PNLIPRP3: variants seen among roughly 807,000 people sequenced by gnomAD.
The protein encoded by PNLIPRP3 is pancreatic lipase related protein 3.
Under a neutral mutation model 52.8 loss-of-function variants are expected in PNLIPRP3, and 58 were observed. That is an observed-to-expected ratio of 1.10 (90% CI 0.89 to 1.37). The LOEUF (loss-of-function observed/expected upper bound fraction) is 1.37, where lower values mean the gene tolerates loss of function less well. PNLIPRP3 is among the 40% of genes most tolerant of loss of function. PNLIPRP3 has a pLI of 0.00. For missense variants in PNLIPRP3, 593 were observed against 561.6 expected (o/e 1.06, Z -0.57); for synonymous variants, 192 against 185.0 (o/e 1.04, Z -0.31).
chr10:116,476,211 G>T (rs1340957225), intron 10 of PNLIPRP3, among the ~76,000 whole-genome samples: 1 of 152,162 alleles, frequency 6.6e-6, no homozygotes, highest in Non-Finnish European at 1.5e-5. Flanking sequence ...CAGAAAAAGG[G>T]CACGGGAGCA....
intron 4 of PNLIPRP3, among the ~76,000 whole-genome samples, chr10:116,446,395 G>T (rs149006519): frequency 6.6e-6 from 1 of 150,760 alleles, no homozygotes; most frequent in African/African-American, 2.4e-5. Flanking sequence ...TAGAGGAAGG[G>T]ATGTTCTAAT....
At chr10:116,464,419 T>C (rs1009687151) in intron 7 of PNLIPRP3, among the ~76,000 whole-genome samples, 1 of 152,218 alleles carries the variant, frequency 6.6e-6, no homozygotes, top group Non-Finnish European at 1.5e-5. Flanking sequence ...CACTTGCACC[T>C]GCTGGGCTCA....
chr10:116,461,345 C>T (rs1432189376), intron 7 of PNLIPRP3, 55 bp downstream of exon 7: 1 of 1,567,778 alleles, frequency 6.4e-7, no homozygotes, highest in Non-Finnish European at 8.7e-7. Context: ...TAGCTCTCTC[C>T]TTAGATGGGA....
At chr10:116,439,725 G>A (rs772764089) in intron 2 of PNLIPRP3, 61 of 769,236 alleles carry the variant, frequency 7.9e-5, no homozygotes, top group Non-Finnish European at 1.3e-4. Flanking sequence ...TGATCTAGGC[G>A]CAGAATTCTG....
chr10:116,464,137 A>T (rs1459974576), intron 7 of PNLIPRP3, among the ~76,000 whole-genome samples: 1 of 152,224 alleles, frequency 6.6e-6, no homozygotes, highest in Admixed American at 6.5e-5. Flanking sequence ...GATAATGACA[A>T]AACTAATTCA....
chr10:116,437,243 C>T (rs1403584391), intron 2 of PNLIPRP3, among the ~76,000 whole-genome samples: 1 of 152,106 alleles, frequency 6.6e-6, no homozygotes, highest in Non-Finnish European at 1.5e-5. Context: ...CATGTACAAA[C>T]AAATACCTTT....
Position 116,444,505 on chromosome 10 carries a change from G to A in PNLIPRP3, c.448G>A (p.Val150Ile), listed in dbSNP as rs1165708699. 6.2e-7 allele frequency: 1 copy of A among 1,612,418 alleles called. No individual in the cohort carries two copies. The highest frequency in any genetic ancestry group is 1.7e-5 in the Admixed American group (1 of 59,858). The change falls in exon 4 of 12, where the codon GTT (valine) becomes ATT (isoleucine). Residue 150 changes from valine (V) to isoleucine (I), a missense_variant. Physicochemically the swap from Val to Ile is conservative, Grantham distance 29. Coordinates refer to ENST00000369230, the MANE Select transcript of PNLIPRP3 (RefSeq NM_001011709.3). ...TGCTGAGGTGGCTTATTTTATTGAT[G>A]TTCTCATGGTAAGAAGAGTTGATTT... ...VGAEVAYFID[V>I]LMKKFEYSPS...
At chr10:116,441,054 G>A (rs867230708) in intron 2 of PNLIPRP3, among the ~76,000 whole-genome samples, 3 of 152,072 alleles carry the variant, frequency 2.0e-5, no homozygotes, top group African/African-American at 4.8e-5. Flanking sequence ...TCATTTCCTC[G>A]TTTCTATCCT....
intron 8 of PNLIPRP3, among the ~76,000 whole-genome samples, chr10:116,468,459 G>A (rs754310320): frequency 4.5e-4 from 68 of 152,180 alleles, no homozygotes; most frequent in Admixed American, 1.9e-3. Flanking sequence ...CTCCTTGTCC[G>A]CGTGATTCAG....
chr10:116,430,462 C>T (rs928980153), intron 1 of PNLIPRP3, among the ~76,000 whole-genome samples: 1 of 152,148 alleles, frequency 6.6e-6, no homozygotes, highest in Non-Finnish European at 1.5e-5. Flanking sequence ...TGATTTCCTC[C>T]AGGCACATTC....
chr10:116,444,937 T>A (rs1323281481), intron 4 of PNLIPRP3, among the ~76,000 whole-genome samples: 2 of 152,218 alleles, frequency 1.3e-5, no homozygotes, highest in Non-Finnish European at 2.9e-5. Flanking sequence ...TGTAGGCCAG[T>A]CCAGACACAA....
chr10:116,474,048 CA>C (rs1589992914), intron 10 of PNLIPRP3, among the ~76,000 whole-genome samples: 1 of 149,900 alleles, frequency 6.7e-6, no homozygotes, highest in Non-Finnish European at 1.5e-5. Context: ...AACTACACTA[CA>C]GGGCTACAGT....
chr10:116,468,591 C>T (rs1846317325), intron 8 of PNLIPRP3, among the ~76,000 whole-genome samples: 1 of 152,210 alleles, frequency 6.6e-6, no homozygotes, highest in African/African-American at 2.4e-5. Flanking sequence ...CCTTTATAAA[C>T]TGTCTTGTGA....
intron 1 of PNLIPRP3, among the ~76,000 whole-genome samples, chr10:116,433,704 T>A (rs1431485): frequency 6.6e-6 from 1 of 151,698 alleles, no homozygotes; most frequent in Non-Finnish European, 1.5e-5. Context: ...AGCCTTTGCA[T>A]GGTTCCACAG....
In PNLIPRP3 at chr10:116,461,255, C is replaced by G; in HGVS notation, c.773C>G (p.Pro258Arg). 1 of 1,613,178 alleles carries G rather than the reference C, an allele frequency of 6.2e-7. No homozygotes were observed. Residue 258 changes from proline to arginine, a missense_variant, in exon 7 of 12, where the codon CCT becomes CGT. Pro to Arg is a moderately radical substitution (Grantham distance 103). Coordinates refer to ENST00000369230, the MANE Select transcript of PNLIPRP3 (RefSeq NM_001011709.3). ...HMPGCEDLIT[P>R]LLKFNFNAYK... ...CCAGGATGTGAAGACTTAATTACAC[C>G]TTTACTGAAATTTAACTTCAATGCT...
At chr10:116,461,136 A>G in intron 6 of PNLIPRP3, 32 bp from the exon 7 acceptor site, 1 of 1,614,140 alleles carries the variant, frequency 6.2e-7, no homozygotes, top group Non-Finnish European at 8.5e-7. Context: ...GGAGATTTTT[A>G]GAGGCATTTA....
chr10:116,450,513 C>T (rs1211558352), intron 4 of PNLIPRP3, among the ~76,000 whole-genome samples: 1 of 151,796 alleles, frequency 6.6e-6, no homozygotes, highest in African/African-American at 2.4e-5. Context: ...AAGAAATGAA[C>T]AAAACTACAA....
chr10:116,470,384 C>A (rs1846349228), intron 9 of PNLIPRP3, among the ~76,000 whole-genome samples: 1 of 151,938 alleles, frequency 6.6e-6, no homozygotes, highest in Admixed American at 6.6e-5. Context: ...AAAGAGGCCC[C>A]TGCAAAGGAG....
At chr10:116,441,925 A>G (rs1401310786) in intron 2 of PNLIPRP3, among the ~76,000 whole-genome samples, 1 of 152,206 alleles carries the variant, frequency 6.6e-6, no homozygotes, top group Admixed American at 6.5e-5. Flanking sequence ...ATTACTGAGC[A>G]AGCCAACTTA....
Sources: gnomAD v4.1 joint callset for allele counts (sites outside exome capture counted in the v4.1 genomes callset) on GRCh38, gnomAD v4.1.1 for gene constraint, MANE v1.5 for transcripts, NCBI Gene and HGNC (gene_info 2026-07-23, HGNC 2026-07-21) for gene names.